Variants in MMP16 observed in about 807,000 individuals in gnomAD.
MMP16 encodes matrix metalloproteinase-16.
A neutral mutation model predicts 67.8 loss-of-function variants in MMP16; 12 were observed. The observed-to-expected ratio is 0.18, with a 90% CI of 0.11 to 0.29. The LOEUF is 0.29. Ranked by LOEUF, MMP16 falls within the 10% of genes least tolerant of loss-of-function variation. The pLI is 1.00. For missense variants in MMP16, 475 were observed against 765.7 expected, an observed-to-expected ratio of 0.62 and a Z score of 4.48; for synonymous variants, 249 against 255.9, an observed-to-expected ratio of 0.97 and a Z score of 0.26.
intron 2 of MMP16, 76 bp downstream of exon 2, chr8:88,197,082 G>C (rs747245671): frequency 2.1e-6 from 3 of 1,401,534 alleles, no homozygotes; most frequent in Non-Finnish European, 2.9e-6. Flanking sequence ...GGTTGGTGGA[G>C]TTCATATAAA....
chr8:88,204,120 G>T (rs539500620), intron 1 of MMP16, among the ~76,000 whole-genome samples: 1 of 152,122 alleles, frequency 6.6e-6, no homozygotes, highest in Non-Finnish European at 1.5e-5. Flanking sequence ...CCCAGCAACA[G>T]AATTTTCCAT....
intron 4 of MMP16, among the ~76,000 whole-genome samples, chr8:88,147,028 T>C (rs556934938): frequency 6.6e-6 from 1 of 152,182 alleles, no homozygotes; most frequent in Non-Finnish European, 1.5e-5. Flanking sequence ...AATTTTAATT[T>C]ATTACAACAA....
chr8:88,167,282 T>G (rs1182718677), intron 4 of MMP16, among the ~76,000 whole-genome samples: 1 of 152,040 alleles, frequency 6.6e-6, no homozygotes, highest in Admixed American at 6.6e-5. Flanking sequence ...CTGCAGATGC[T>G]AATCCGGATT....
intron 2 of MMP16, among the ~76,000 whole-genome samples, chr8:88,193,342 G>A (rs992827952): frequency 1.3e-5 from 2 of 152,010 alleles, no homozygotes; most frequent in African/African-American, 2.4e-5. Flanking sequence ...TCACATATGT[G>A]GGAGCTAAAA....
At chr8:88,163,361 C>T (rs1283886504) in intron 4 of MMP16, among the ~76,000 whole-genome samples, 1 of 152,002 alleles carries the variant, frequency 6.6e-6, no homozygotes, top group African/African-American at 2.4e-5. Flanking sequence ...CAGATGACAT[C>T]TTTATCATAA....
At chr8:88,215,678 A>C (rs1224463035) in intron 1 of MMP16, among the ~76,000 whole-genome samples, 1 of 151,630 alleles carries the variant, frequency 6.6e-6, no homozygotes, top group African/African-American at 2.4e-5. Context: ...TTCCCCTCCT[A>C]CTCCTAAGAA....
chr8:88,302,718 AG>A (rs1184487905), intron 1 of MMP16, among the ~76,000 whole-genome samples: 1 of 152,222 alleles, frequency 6.6e-6, no homozygotes, highest in African/African-American at 2.4e-5. Context: ...ATAATAATAG[AG>A]GGTCCAAGAT....
chr8:88,159,515 A>G (rs1808575211), intron 4 of MMP16, among the ~76,000 whole-genome samples: 1 of 152,160 alleles, frequency 6.6e-6, no homozygotes, highest in Non-Finnish European at 1.5e-5. Context: ...TTGATTTTGT[A>G]TCCTGAGGCT....
chr8:88,263,597 A>T (rs150711693), intron 1 of MMP16, among the ~76,000 whole-genome samples: 1 of 152,238 alleles, frequency 6.6e-6, no homozygotes, highest in East Asian at 1.9e-4. Flanking sequence ...CATCTATTCC[A>T]GGCTTCTCTC....
At chr8:88,162,083 C>A (rs1341624991) in intron 4 of MMP16, among the ~76,000 whole-genome samples, 2 of 151,932 alleles carry the variant, frequency 1.3e-5, no homozygotes, top group Non-Finnish European at 2.9e-5. Flanking sequence ...TGTTCATGAT[C>A]CATTTATATG....
At position 88,041,516 on chromosome 8, in the gene MMP16, T is replaced by C. The variant is rs141880029; in HGVS notation, c.1769A>G (p.Lys590Arg). The C allele has an allele frequency of 2.5e-6, 4 of 1,613,860 alleles. No individual in the cohort carries two copies. The highest frequency in any genetic ancestry group is 3.4e-6 in the Non-Finnish European group (4 of 1,179,940). The change falls in exon 10 of 10, where the codon AAA becomes AGA. Residue 590 changes from lysine to arginine, a missense_variant. Coordinates refer to ENST00000286614, the MANE Select transcript of MMP16 (RefSeq NM_005941.5). This position sits in a 1 kb window ranked among gnomAD's most constrained non-coding sequence, Gnocchi z 6.0. ...GTACAGTATGTGGCGGGGTGTTCCT[T>C]TCCTCTTGAACTGGAACACAGTGTA... is the stretch of plus-strand genomic sequence containing the variant. ...LVYTVFQFKR[K>R]GTPRHILYCK...
intron 1 of MMP16, among the ~76,000 whole-genome samples, chr8:88,248,317 T>C (rs894022834): frequency 3.9e-5 from 6 of 152,058 alleles, no homozygotes; most frequent in Non-Finnish European, 1.5e-5. Flanking sequence ...CAACTGTAGA[T>C]AATAAACATA....
At chr8:88,177,782 A>AAAG (rs1258933125) in intron 3 of MMP16, among the ~76,000 whole-genome samples, 2 of 152,158 alleles carry the variant, frequency 1.3e-5, no homozygotes, top group Non-Finnish European at 2.9e-5. Flanking sequence ...AGCCTAATAG[A>AAAG]CTTGTCAGAA....
At chr8:88,233,623 A>C (rs1463971525) in intron 1 of MMP16, among the ~76,000 whole-genome samples, 2 of 152,196 alleles carry the variant, frequency 1.3e-5, no homozygotes, top group East Asian at 3.8e-4. Context: ...ACAAAGGAGC[A>C]CCTTCCACTA....
chr8:88,096,612 A>G (rs1809031274), intron 6 of MMP16, among the ~76,000 whole-genome samples: 1 of 151,850 alleles, frequency 6.6e-6, no homozygotes, highest in South Asian at 2.1e-4. Context: ...CTGAGGCCTT[A>G]GGTATGTAAT....
At chr8:88,288,051 C>G (rs1446059727) in intron 1 of MMP16, among the ~76,000 whole-genome samples, 1 of 152,190 alleles carries the variant, frequency 6.6e-6, no homozygotes, top group Non-Finnish European at 1.5e-5. Context: ...ATGAACATAT[C>G]ATAGCCCTAA....
chr8:88,312,484 T>C (rs1180390788), intron 1 of MMP16, among the ~76,000 whole-genome samples: 2 of 152,148 alleles, frequency 1.3e-5, no homozygotes, highest in Non-Finnish European at 2.9e-5. Context: ...TGGTATACAA[T>C]AAGCAGCACA....
chr8:88,209,473 A>G (rs940506910), intron 1 of MMP16, among the ~76,000 whole-genome samples: 1 of 152,210 alleles, frequency 6.6e-6, no homozygotes. Context: ...TATTATTGGT[A>G]AGACTTCTGG....
chr8:88,299,212 C>T (rs576671267), intron 1 of MMP16, among the ~76,000 whole-genome samples: 75 of 152,190 alleles, frequency 4.9e-4, no homozygotes, highest in Non-Finnish European at 9.1e-4. Flanking sequence ...CAGATAAGTT[C>T]GGTTTTTCAT....
Sources: gnomAD v4.1 joint callset for allele counts (sites outside exome capture counted in the v4.1 genomes callset) on GRCh38, gnomAD v4.1.1 for gene constraint, Gnocchi (gnomAD v3.1) non-coding constraint, MANE v1.5 for transcripts, NCBI Gene and HGNC (gene_info 2026-07-23, HGNC 2026-07-21) for gene names.